The following DOCK8 variants were observed in gnomAD, a reference collection of about 807,000 sequenced individuals.
DOCK8 encodes the protein dedicator of cytokinesis protein 8.
In DOCK8, 141 loss-of-function variants were observed where a neutral mutation model predicts 245.6. The observed-to-expected ratio is 0.57, with a 90% CI of 0.50 to 0.66. DOCK8 has a LOEUF of 0.66. Ranked by LOEUF, DOCK8 falls within the 30% of genes least tolerant of loss-of-function variation. The probability of loss-of-function intolerance (pLI) is 0.00; values close to 1 mark genes in which losing one functional copy is unlikely to be tolerated. For missense variants in DOCK8, 2,965 were observed against 2,603.4 expected, an observed-to-expected ratio of 1.14 and a Z score of -3.02; for synonymous variants, 1,168 against 970.2, an observed-to-expected ratio of 1.20 and a Z score of -3.79.
intron 14 of DOCK8, among the ~76,000 whole-genome samples, chr9:349,400 A>C (rs1427102040): frequency 6.6e-6 from 1 of 152,222 alleles, no homozygotes; most frequent in East Asian, 1.9e-4. Flanking sequence ...TATTAATGGA[A>C]ATATAAATAT....
At chr9:445,073 C>T (rs970615833) in intron 43 of DOCK8, among the ~76,000 whole-genome samples, 3 of 152,208 alleles carry the variant, frequency 2.0e-5, no homozygotes, top group Non-Finnish European at 4.4e-5. Context: ...AATGCTTTCT[C>T]ACTTAAGACA....
At chr9:316,951 G>A (rs1046199459) in intron 6 of DOCK8, 92 bp from the exon 7 acceptor site, 41 of 1,001,688 alleles carry the variant, frequency 4.1e-5, no homozygotes, top group African/African-American at 2.1e-4. Context: ...AACTTGAGCC[G>A]TGGAGGGTAG....
At chr9:380,997 A>C (rs1054176513) in intron 21 of DOCK8, 6 of 152,608 alleles carry the variant, frequency 3.9e-5, no homozygotes, top group Non-Finnish European at 5.9e-5. Context: ...ACTCAGGAAG[A>C]AGCTGAGGCA....
intron 1 of DOCK8, among the ~76,000 whole-genome samples, chr9:224,487 G>A (rs2046949618): frequency 6.6e-6 from 1 of 152,164 alleles, no homozygotes; most frequent in Admixed American, 6.5e-5. Context: ...TCGTATGGCT[G>A]AATGGTCAAG....
At chr9:363,772 G>C (rs1272734919) in intron 14 of DOCK8, among the ~76,000 whole-genome samples, 2 of 152,146 alleles carry the variant, frequency 1.3e-5, no homozygotes, top group African/African-American at 4.8e-5. Context: ...CTGTGGTGGT[G>C]ATGTTTGGAT....
chr9:453,818 T>A (rs1344009193), intron 46 of DOCK8, among the ~76,000 whole-genome samples: 11 of 152,070 alleles, frequency 7.2e-5, no homozygotes, highest in African/African-American at 1.4e-4. Flanking sequence ...CTTAAAAAAA[T>A]TTTTTTTCAT....
intron 5 of DOCK8, among the ~76,000 whole-genome samples, chr9:307,131 G>A (rs147046462): frequency 6.6e-6 from 1 of 152,178 alleles, no homozygotes; most frequent in African/African-American, 2.4e-5. Context: ...CGGTAACCCT[G>A]TAGTGCTCCC....
intron 24 of DOCK8, among the ~76,000 whole-genome samples, chr9:395,264 G>A (rs748443921): frequency 6.6e-6 from 1 of 152,112 alleles, no homozygotes; most frequent in African/African-American, 2.4e-5. Flanking sequence ...GATGTCCTTA[G>A]GTCTTCCCTG....
At chr9:353,859 C>G (rs184959210) in intron 14 of DOCK8, among the ~76,000 whole-genome samples, 1 of 152,234 alleles carries the variant, frequency 6.6e-6, no homozygotes, top group Admixed American at 6.5e-5. Context: ...GTACTAGGTA[C>G]TTTTTAGCAT....
chr9:415,692 G>GCA (rs140525484), intron 29 of DOCK8, among the ~76,000 whole-genome samples: 153 of 151,078 alleles, frequency 1.0e-3, no homozygotes, highest in Non-Finnish European at 1.6e-3. Flanking sequence ...GTGCGCGCGT[G>GCA]CACACACACA....
intron 2 of DOCK8, among the ~76,000 whole-genome samples, chr9:279,397 G>T (rs1251905575): frequency 6.6e-6 from 1 of 152,190 alleles, no homozygotes; most frequent in Non-Finnish European, 1.5e-5. Context: ...AAAGCCATGG[G>T]AGTGAATGAG....
chr9:289,140 TA>T (rs577749928), intron 3 of DOCK8, among the ~76,000 whole-genome samples: 1 of 152,202 alleles, frequency 6.6e-6, no homozygotes, highest in African/African-American at 2.4e-5. Context: ...TACACATGCA[TA>T]AAAAATATGT....
chr9:428,670 C>T (rs955581780), intron 35 of DOCK8, among the ~76,000 whole-genome samples, 174 bp downstream of exon 35: 1 of 152,170 alleles, frequency 6.6e-6, no homozygotes, highest in African/African-American at 2.4e-5. Flanking sequence ...TGGGAAGCCA[C>T]CATGGAGAGG....
chr9:456,409 G>T (rs1207930330), intron 46 of DOCK8: 2 of 152,238 alleles, frequency 1.3e-5, no homozygotes, highest in Non-Finnish European at 2.9e-5. Flanking sequence ...TTCCCCTTTA[G>T]TAAGCTCCAG....
At chr9:433,777 A>G (rs1013864616) in intron 37 of DOCK8, 98 bp from the exon 38 acceptor site, 1 of 1,021,852 alleles carries the variant, frequency 9.8e-7, no homozygotes, top group African/African-American at 1.6e-5. Context: ...CCTCTGATCC[A>G]ACCCTTCCCA....
At chr9:429,972 A>C (rs1254642487) in intron 36 of DOCK8, 118 bp downstream of exon 36, 2 of 1,258,350 alleles carry the variant, frequency 1.6e-6, no homozygotes, top group Non-Finnish European at 2.2e-6. Flanking sequence ...CTGTCCTGTG[A>C]GAAAGAAACA....
chr9:392,894 A>C (rs1226490364), intron 24 of DOCK8, among the ~76,000 whole-genome samples: 1 of 151,918 alleles, frequency 6.6e-6, no homozygotes, highest in Admixed American at 6.6e-5. Flanking sequence ...ATGTCTCTCC[A>C]TAAAGAAGAT....
chr9:360,760 A>G (rs997719412), intron 14 of DOCK8, among the ~76,000 whole-genome samples: 1 of 152,216 alleles, frequency 6.6e-6, no homozygotes, highest in African/African-American at 2.4e-5. Context: ...GCCCTGTCCA[A>G]ACCTCAGCCT....
intron 1 of DOCK8, among the ~76,000 whole-genome samples, chr9:251,139 C>G (rs1269559801): frequency 6.6e-6 from 1 of 152,184 alleles, no homozygotes; most frequent in Non-Finnish European, 1.5e-5. Context: ...TTTCAGATGT[C>G]TCCTTTGCCT....
Sources: gnomAD v4.1 joint callset for allele counts (sites outside exome capture counted in the v4.1 genomes callset) on GRCh38, gnomAD v4.1.1 for gene constraint, MANE v1.5 for transcripts, NCBI Gene and HGNC (gene_info 2026-07-23, HGNC 2026-07-21) for gene names.